PTPRD: variants seen among roughly 807,000 people sequenced by gnomAD.
The protein encoded by PTPRD is protein tyrosine phosphatase receptor type D, also known as receptor-type tyrosine-protein phosphatase delta.
Under a neutral mutation model 214.5 loss-of-function variants are expected in PTPRD, and 34 were observed. The observed-to-expected ratio is 0.16, with a 90% CI of 0.12 to 0.21. PTPRD has a LOEUF of 0.21. Ranked by LOEUF, PTPRD falls within the 10% of genes least tolerant of loss-of-function variation. PTPRD has a pLI of 1.00. For synonymous variants in PTPRD, 1,128 were observed against 845.7 expected, an observed-to-expected ratio of 1.33 and a Z score of -5.79; for missense variants, 2,545 against 2,398.7, an observed-to-expected ratio of 1.06 and a Z score of -1.27.
At chr9:8,479,732 AAAAG>A (rs1343735380) in intron 30 of PTPRD, among the ~76,000 whole-genome samples, 1 of 152,222 alleles carries the variant, frequency 6.6e-6, no homozygotes, top group African/African-American at 2.4e-5. Context: ...TTATATAAAT[AAAAG>A]AAAGTATTGA....
At chr9:8,516,500 A>C (rs1403820311) in intron 21 of PTPRD, among the ~76,000 whole-genome samples, 1 of 152,216 alleles carries the variant, frequency 6.6e-6, no homozygotes, top group Admixed American at 6.5e-5. Context: ...ACAAATAGTT[A>C]AACATACTTC....
chr9:10,473,138 T>A (rs1293175741), intron 2 of PTPRD, among the ~76,000 whole-genome samples: 1 of 152,036 alleles, frequency 6.6e-6, no homozygotes, highest in Non-Finnish European at 1.5e-5. Context: ...AAATTTGGTG[T>A]TCTTGTGATC....
intron 6 of PTPRD, among the ~76,000 whole-genome samples, chr9:9,757,206 T>A (rs1270829932): frequency 1.3e-5 from 2 of 152,176 alleles, no homozygotes; most frequent in Non-Finnish European, 2.9e-5. Context: ...AGGATACTAA[T>A]CAATTTTATC....
intron 5 of PTPRD, among the ~76,000 whole-genome samples, chr9:9,812,468 G>A (rs577517575): frequency 6.6e-6 from 1 of 152,098 alleles, no homozygotes; most frequent in East Asian, 1.9e-4. Flanking sequence ...TAGGCTAAAA[G>A]CGAAGGGACA....
chr9:8,525,405 T>C (rs1381775779), intron 17 of PTPRD, among the ~76,000 whole-genome samples: 1 of 152,102 alleles, frequency 6.6e-6, no homozygotes, highest in Non-Finnish European at 1.5e-5. Flanking sequence ...TTGTTTCATT[T>C]GGGTACCAAA....
At chr9:9,474,715 A>C (rs1331132915) in intron 8 of PTPRD, among the ~76,000 whole-genome samples, 2 of 151,848 alleles carry the variant, frequency 1.3e-5, no homozygotes, top group Non-Finnish European at 2.9e-5. Context: ...TGAGATTACT[A>C]TCTTGATTTC....
chr9:8,722,156 TGTGTG>T (rs2098507226), intron 12 of PTPRD, among the ~76,000 whole-genome samples: 2 of 144,948 alleles, frequency 1.4e-5, no homozygotes, highest in Admixed American at 1.3e-4. Flanking sequence ...TGTGTGTGTG[TGTGTG>T]TGTGTACAGA....
intron 5 of PTPRD, among the ~76,000 whole-genome samples, chr9:9,898,765 T>C (rs1369405631): frequency 6.6e-6 from 1 of 152,128 alleles, no homozygotes; most frequent in Non-Finnish European, 1.5e-5. Context: ...ACTTGACTAA[T>C]GTTCTAACTT....
chr9:10,483,477 A>G (rs946989844), intron 2 of PTPRD, among the ~76,000 whole-genome samples: 1 of 152,062 alleles, frequency 6.6e-6, no homozygotes, highest in Non-Finnish European at 1.5e-5. Flanking sequence ...AATAATCGTC[A>G]GGGTAAAGAG....
chr9:10,561,638 G>C (rs1590955188), intron 2 of PTPRD, among the ~76,000 whole-genome samples: 1 of 152,108 alleles, frequency 6.6e-6, no homozygotes, highest in African/African-American at 2.4e-5. Flanking sequence ...TCAGTTCAAA[G>C]TGCAATAGAC....
chr9:9,959,300 G>T (rs920551194), intron 4 of PTPRD, among the ~76,000 whole-genome samples: 1 of 152,116 alleles, frequency 6.6e-6, no homozygotes, highest in Non-Finnish European at 1.5e-5. Context: ...AAAACTTGTA[G>T]AAATAGTAAA....
At chr9:10,060,827 T>TCTTCCTTCCTTC (rs756969216) in intron 3 of PTPRD, among the ~76,000 whole-genome samples, 1 of 119,786 alleles carries the variant, frequency 8.3e-6, no homozygotes. Context: ...TTTCTTTCTT[T>TCTTCCTTCCTTC]CTTCCTTCCT....
chr9:8,962,306 C>T (rs2099162724), intron 11 of PTPRD: 1 of 152,152 alleles, frequency 6.6e-6, no homozygotes, highest in African/African-American at 2.4e-5. Context: ...AGTCTAGGTG[C>T]TCTGCCCTCT....
chr9:8,558,616 A>G lies in PTPRD; in HGVS notation c.353-29837T>C, dbSNP rs74616274. ...ATTAACAGTTTACATGGCAGGCCAG[A>G]TGAAGCCTAGAACCCAGACAGTCAA... is the stretch of plus-strand genomic sequence containing the variant. On this transcript the variant is annotated intron_variant, in intron 14 of 45. Coordinates refer to ENST00000381196, the MANE Select transcript of PTPRD (RefSeq NM_002839.4). Among the ~76,000 whole-genome samples, 1,253 of 152,354 alleles carry G rather than the reference A, an allele frequency of 8.2e-3. 21 individuals carry two copies. Among genetic ancestry groups the G allele is most frequent in the African/African-American group, 0.028 (1,182 of 41,574 alleles).
At chr9:8,963,204 G>C (rs909414724) in intron 11 of PTPRD, 3 of 152,044 alleles carry the variant, frequency 2.0e-5, no homozygotes, top group African/African-American at 7.2e-5. Flanking sequence ...TTGTAATTTG[G>C]GAATACTTGA....
intron 5 of PTPRD, among the ~76,000 whole-genome samples, chr9:9,892,801 A>G (rs532716526): frequency 6.8e-4 from 104 of 152,162 alleles, no homozygotes; most frequent in African/African-American, 2.4e-3. Context: ...CTTGAGTGGT[A>G]TAATATTTGA....
chr9:9,825,782 T>C (rs995291069), intron 5 of PTPRD, among the ~76,000 whole-genome samples: 1 of 151,984 alleles, frequency 6.6e-6, no homozygotes, highest in Admixed American at 6.6e-5. Context: ...GTATCTCCAT[T>C]ATGTTACCAC....
At chr9:9,751,905 A>T (rs1768893) in intron 6 of PTPRD, among the ~76,000 whole-genome samples, 80,130 of 152,010 alleles carry the variant, frequency 0.53, 24,166 homozygotes, top group African/African-American at 0.81. Context: ...AAAGCATGTC[A>T]CACAGGATAA....
chr9:9,408,470 G>C (rs533585031), intron 8 of PTPRD, among the ~76,000 whole-genome samples: 24 of 151,818 alleles, frequency 1.6e-4, no homozygotes, highest in African/African-American at 5.8e-4. Context: ...TTACTTGTTT[G>C]TTCAGAGCCC....
Sources: allele counts gnomAD v4.1 joint callset (sites outside exome capture counted in the v4.1 genomes callset), GRCh38; gene constraint gnomAD v4.1.1; transcripts MANE v1.5; gene names NCBI Gene and HGNC (gene_info 2026-07-23, HGNC 2026-07-21).